Variants in LYPD6B observed in about 807,000 individuals in gnomAD.
LYPD6B encodes LY6/PLAUR domain containing 6B.
In LYPD6B, 17 loss-of-function variants were observed where a neutral mutation model predicts 22.8. The observed-to-expected ratio is 0.75, with a 90% CI of 0.51 to 1.12. The LOEUF is 1.12. Ranked by LOEUF, LYPD6B falls within the 50% of genes most tolerant of loss-of-function variation. LYPD6B has a pLI of 0.00. For missense variants in LYPD6B, 221 were observed against 258.3 expected (o/e 0.86, Z 0.99); for synonymous variants, 106 against 91.6 (o/e 1.16, Z -0.90).
At chr2:149,189,591 C>T (rs1692364996) in intron 3 of LYPD6B, among the ~76,000 whole-genome samples, 1 of 151,806 alleles carries the variant, frequency 6.6e-6, no homozygotes, top group East Asian at 1.9e-4. Context: ...GCCTGTTGGT[C>T]TGTAGAGTAA....
At chr2:149,180,068 C>T (rs1691599495) in intron 3 of LYPD6B, among the ~76,000 whole-genome samples, 1 of 152,188 alleles carries the variant, frequency 6.6e-6, no homozygotes, top group African/African-American at 2.4e-5. Context: ...AACTTTTCTC[C>T]TGGAAGATTT....
At chr2:149,069,178 G>A (rs1172596275) in intron 1 of LYPD6B, among the ~76,000 whole-genome samples, 1 of 140,024 alleles carries the variant, frequency 7.1e-6, no homozygotes, top group Non-Finnish European at 1.5e-5. Flanking sequence ...TGGGTGGGCT[G>A]GTGGGGGTGG....
At chr2:149,095,279 A>C (rs1264882581) in intron 1 of LYPD6B, among the ~76,000 whole-genome samples, 1 of 152,206 alleles carries the variant, frequency 6.6e-6, no homozygotes, top group Non-Finnish European at 1.5e-5. Flanking sequence ...CTGAGAAACA[A>C]GAGCAAAACT....
intron 4 of LYPD6B, 130 bp from the exon 5 acceptor site, chr2:149,208,184 C>T: frequency 1.6e-6 from 1 of 633,698 alleles, no homozygotes; most frequent in Non-Finnish European, 2.8e-6. Flanking sequence ...TCTCTAGAAA[C>T]AGTAATTGTA....
chr2:149,120,381 A>AT (rs1256956846), intron 1 of LYPD6B, among the ~76,000 whole-genome samples: 2 of 43,490 alleles, frequency 4.6e-5, no homozygotes, highest in South Asian at 9.3e-4. Context: ...ATATATATAT[A>AT]TATTTTTTTT....
At chr2:149,190,290 G>A (rs188391740) in intron 3 of LYPD6B, among the ~76,000 whole-genome samples, 1 of 152,240 alleles carries the variant, frequency 6.6e-6, no homozygotes, top group East Asian at 1.9e-4. Flanking sequence ...GTGCGTGTGT[G>A]TGTCTCTGTG....
In LYPD6B at chr2:149,112,990, G is replaced by T. The variant is rs571639440; in HGVS notation, c.-66-17893G>T. ...CCCAGTTTACTGACTTGTTGAACAG[G>T]AGAAGAAGGCAGATAGAAGGTATGG... On this transcript the variant is annotated intron_variant, in intron 1 of 6. Transcript: ENST00000409642. 3.3e-5 allele frequency among the ~76,000 whole-genome samples: 5 copies of T among 152,310 alleles called. No individual in the cohort carries two copies. The South Asian group carries it at 6.2e-4, about 19-fold the overall frequency.
At chr2:149,076,919 A>T (rs1336925886) in intron 1 of LYPD6B, among the ~76,000 whole-genome samples, 1 of 152,146 alleles carries the variant, frequency 6.6e-6, no homozygotes, top group African/African-American at 2.4e-5. Flanking sequence ...CAAGGTTAAG[A>T]TGTGCTGGGG....
chr2:149,102,055 GA>G lies in LYPD6B; in HGVS notation c.-66-28825del, dbSNP rs1240007499. On this transcript the variant is annotated intron_variant, in intron 1 of 6. Coordinates refer to ENST00000409642, the MANE Select transcript of LYPD6B (RefSeq NM_177964.5). Reference sequence around the variant, plus strand: ...TGCACGTAGACCCAGAGGCTTCTGGGAAATTCCATAGGCATTTACTCACAGC... The same window carrying G: ...TGCACGTAGACCCAGAGGCTTCTGGGAATTCCATAGGCATTTACTCACAGC... 2.6e-5 allele frequency among the ~76,000 whole-genome samples: 4 copies of G among 152,114 alleles called. No individual in the cohort carries two copies. In the East Asian group the frequency reaches 7.7e-4, roughly 29 times the overall value.
At chr2:149,089,028 GATA>G (rs1685524999) in intron 1 of LYPD6B, among the ~76,000 whole-genome samples, 1 of 152,130 alleles carries the variant, frequency 6.6e-6, no homozygotes. Flanking sequence ...TCAAAATGAT[GATA>G]ATATTAGTAC....
intron 3 of LYPD6B, among the ~76,000 whole-genome samples, chr2:149,193,841 A>T (rs1409949143): frequency 6.6e-6 from 1 of 152,238 alleles, no homozygotes; most frequent in Non-Finnish European, 1.5e-5. Flanking sequence ...TATTATATTC[A>T]AATAAACTTA....
At chr2:149,161,175 G>A (rs994285131) in intron 3 of LYPD6B, among the ~76,000 whole-genome samples, 2 of 152,182 alleles carry the variant, frequency 1.3e-5, no homozygotes, top group African/African-American at 4.8e-5. Flanking sequence ...AGATGGGGGT[G>A]CGTCGGGGGT....
At chr2:149,118,176 T>TAAGAGACTA (rs1687098059) in intron 1 of LYPD6B, 2 of 152,178 alleles carry the variant, frequency 1.3e-5, no homozygotes, top group Non-Finnish European at 2.9e-5. Context: ...CAGGCTTCAG[T>TAAGAGACTA]GTGTGTGCTG....
chr2:149,049,476 G>C (rs1486350794), intron 1 of LYPD6B, among the ~76,000 whole-genome samples: 1 of 152,148 alleles, frequency 6.6e-6, no homozygotes, highest in East Asian at 1.9e-4. Flanking sequence ...GCTTCTTACA[G>C]TATGAAAAAC....
At chr2:149,108,589 G>A (rs541936509) in intron 1 of LYPD6B, among the ~76,000 whole-genome samples, 11 of 152,184 alleles carry the variant, frequency 7.2e-5, no homozygotes, top group Admixed American at 4.6e-4. Context: ...TTATGTTTAC[G>A]TTTAAAGTGT....
chr2:149,118,626 A>G lies in LYPD6B; in HGVS notation c.-66-12257A>G, dbSNP rs144048969. The stretch of plus-strand genomic sequence containing the variant: ...AGACAGAGTAGAAATAGCTGCTAAT[A>G]ACAGCAATAACTACTTTATTTCTTG... On this transcript the variant is annotated intron_variant, in intron 1 of 6. Transcript: ENST00000409642. Among the ~76,000 whole-genome samples the G allele has an allele frequency of 4.7e-4, 72 of 152,378 alleles. No homozygotes were observed. In the East Asian group the frequency reaches 0.014, roughly 29 times the overall value.
chr2:149,107,881 G>T (rs542249307), intron 1 of LYPD6B, among the ~76,000 whole-genome samples: 1 of 152,278 alleles, frequency 6.6e-6, no homozygotes, highest in Non-Finnish European at 1.5e-5. Context: ...GTTAAATCAA[G>T]TTAGTTGATA....
At chr2:149,080,260 CTG>C (rs1357665334) in intron 1 of LYPD6B, among the ~76,000 whole-genome samples, 3 of 152,128 alleles carry the variant, frequency 2.0e-5, no homozygotes, top group African/African-American at 7.2e-5. Flanking sequence ...GGTGTTCTCC[CTG>C]TGTGTGTGTC....
chr2:149,190,166 A>G (rs951579548), intron 3 of LYPD6B, among the ~76,000 whole-genome samples: 1 of 152,188 alleles, frequency 6.6e-6, no homozygotes, highest in Non-Finnish European at 1.5e-5. Flanking sequence ...ATATTTATCC[A>G]TATATGAGTA....
Sources: allele counts gnomAD v4.1 joint callset (sites outside exome capture counted in the v4.1 genomes callset), GRCh38; gene constraint gnomAD v4.1.1; transcripts MANE v1.5; gene names NCBI Gene and HGNC (gene_info 2026-07-23, HGNC 2026-07-21).